Variants in MEIKIN observed in about 807,000 individuals in gnomAD.
MEIKIN encodes the protein meiosis-specific kinetochore protein.
At chr5:131,854,453 A>T (rs1386678128) in intron 10 of MEIKIN, among the ~76,000 whole-genome samples, 2 of 152,166 alleles carry the variant, frequency 1.3e-5, no homozygotes, top group Non-Finnish European at 2.9e-5. Context: ...ATATACTTCA[A>T]CTGTACACTT....
chr5:131,840,530 G>GT (rs1749887445), intron 11 of MEIKIN, among the ~76,000 whole-genome samples: 1 of 152,060 alleles, frequency 6.6e-6, no homozygotes, highest in Non-Finnish European at 1.5e-5. Flanking sequence ...TTTCTTGGAG[G>GT]TTTTGTTCAT....
intron 11 of MEIKIN, among the ~76,000 whole-genome samples, chr5:131,830,841 AAGAT>A (rs1224390098): frequency 2.0e-5 from 3 of 152,232 alleles, no homozygotes; most frequent in Non-Finnish European, 4.4e-5. Context: ...AAGCCAATCA[AAGAT>A]AGGTTAAGAT....
At chr5:131,902,416 G>A (rs1328344556) in intron 8 of MEIKIN, among the ~76,000 whole-genome samples, 1 of 151,948 alleles carries the variant, frequency 6.6e-6, no homozygotes, top group African/African-American at 2.4e-5. Flanking sequence ...CTGGGTGACA[G>A]AGTGAGATCT....
intron 11 of MEIKIN, among the ~76,000 whole-genome samples, chr5:131,835,926 G>A (rs1177730760): frequency 6.6e-6 from 1 of 152,096 alleles, no homozygotes; most frequent in Non-Finnish European, 1.5e-5. Context: ...AAGTTCAGGA[G>A]TACAGGTAGA....
At chr5:131,871,780 G>C (rs1750505937) in intron 9 of MEIKIN, among the ~76,000 whole-genome samples, 1 of 152,066 alleles carries the variant, frequency 6.6e-6, no homozygotes, top group Non-Finnish European at 1.5e-5. Context: ...CACACAGCCG[G>C]GTACTCCTCT....
chr5:131,927,073 G>A (rs1751599147), intron 5 of MEIKIN, among the ~76,000 whole-genome samples: 1 of 150,246 alleles, frequency 6.7e-6, no homozygotes, highest in Admixed American at 6.6e-5. Flanking sequence ...CTAGTTCCTT[G>A]AGGTGTAACA....
chr5:131,906,847 G>C (rs1286303419), intron 8 of MEIKIN, among the ~76,000 whole-genome samples: 2 of 152,088 alleles, frequency 1.3e-5, no homozygotes, highest in African/African-American at 4.8e-5. Flanking sequence ...AGGAACAACA[G>C]ACACTGGGGC....
chr5:131,850,931 G>A (rs985852131), intron 11 of MEIKIN, among the ~76,000 whole-genome samples: 10 of 151,958 alleles, frequency 6.6e-5, no homozygotes, highest in Admixed American at 6.6e-5. Flanking sequence ...AGAGAGGACA[G>A]AGTGAGACTC....
At chr5:131,891,722 G>A (rs563564853) in intron 8 of MEIKIN, among the ~76,000 whole-genome samples, 2 of 152,104 alleles carry the variant, frequency 1.3e-5, no homozygotes, top group African/African-American at 2.4e-5. Context: ...TACATTTAAG[G>A]TTAATATTGT....
chr5:131,891,064 G>A lies in MEIKIN; in HGVS notation c.704-12016C>T, dbSNP rs565336458. Among the ~76,000 whole-genome samples, 7 of 152,292 alleles carry A rather than the reference G, an allele frequency of 4.6e-5. No homozygotes were observed. The South Asian group carries it at 1.0e-3, about 23-fold the overall frequency. ...CTTAACCCTGAGTTCTAGTTTGATT[G>A]CACTGTGGTCTGAGAGACAGTTTGT... On this transcript the variant is annotated intron_variant, in intron 8 of 12. Transcript: ENST00000442687.
At chr5:131,894,159 C>G (rs928971459) in intron 8 of MEIKIN, among the ~76,000 whole-genome samples, 2 of 152,136 alleles carry the variant, frequency 1.3e-5, no homozygotes, top group Non-Finnish European at 2.9e-5. Context: ...ATAGGGAATC[C>G]TTTCCCCATT....
chr5:131,850,478 C>T (rs981227816), intron 11 of MEIKIN, among the ~76,000 whole-genome samples: 10 of 152,108 alleles, frequency 6.6e-5, no homozygotes, highest in Non-Finnish European at 2.9e-5. Flanking sequence ...AACATAAAGA[C>T]AGACATATAG....
At chr5:131,885,350 AG>A (rs1750766667) in intron 8 of MEIKIN, among the ~76,000 whole-genome samples, 1 of 5,904 alleles carries the variant, frequency 1.7e-4, no homozygotes, top group East Asian at 7.6e-3. Flanking sequence ...AAAGAGAGAG[AG>A]AGAGAGAGAG....
chr5:131,893,857 A>G (rs1308527143), intron 8 of MEIKIN, among the ~76,000 whole-genome samples: 1 of 151,644 alleles, frequency 6.6e-6, no homozygotes, highest in Non-Finnish European at 1.5e-5. Flanking sequence ...AGTTTCCTTC[A>G]CTCTGATTGT....
At chr5:131,883,632 T>C (rs1222948817) in intron 8 of MEIKIN, among the ~76,000 whole-genome samples, 1 of 152,204 alleles carries the variant, frequency 6.6e-6, no homozygotes, top group Non-Finnish European at 1.5e-5. Context: ...ACTCCACTGA[T>C]CATTGCCCCT....
At chr5:131,825,525 C>T (rs1305024884) in intron 11 of MEIKIN, among the ~76,000 whole-genome samples, 1 of 152,168 alleles carries the variant, frequency 6.6e-6, no homozygotes, top group East Asian at 1.9e-4. Context: ...CTCAGTGAGG[C>T]TTGAGGTCAG....
At chr5:131,886,540 C>T (rs1239472452) in intron 8 of MEIKIN, among the ~76,000 whole-genome samples, 1 of 152,170 alleles carries the variant, frequency 6.6e-6, no homozygotes, top group South Asian at 2.1e-4. Flanking sequence ...TTTTACTCTA[C>T]AATAGTATAT....
chr5:131,943,805 A>T (rs1021803341), intron 3 of MEIKIN, among the ~76,000 whole-genome samples: 1 of 152,148 alleles, frequency 6.6e-6, no homozygotes, highest in African/African-American at 2.4e-5. Flanking sequence ...CATGTTATAA[A>T]GGAATATTAA....
chr5:131,808,759 T>C (rs1772894462), intron 12 of MEIKIN, among the ~76,000 whole-genome samples: 1 of 152,208 alleles, frequency 6.6e-6, no homozygotes, highest in Admixed American at 6.5e-5. Context: ...ACCCCTATAC[T>C]TCCTGTGAGA....
Sources: allele counts gnomAD v4.1 joint callset (sites outside exome capture counted in the v4.1 genomes callset), GRCh38; gene constraint gnomAD v4.1.1; transcripts MANE v1.5; gene names NCBI Gene and HGNC (gene_info 2026-07-23, HGNC 2026-07-21).